Variants in NUP98 observed in about 807,000 individuals in gnomAD.
NUP98 encodes the protein nuclear pore complex protein Nup98-Nup96.
Under a neutral mutation model 191.9 loss-of-function variants are expected in NUP98, and 26 were observed. That is an observed-to-expected ratio of 0.14 (90% CI 0.10 to 0.19). The LOEUF is 0.19. Ranked by LOEUF, NUP98 falls within the 10% of genes least tolerant of loss-of-function variation. NUP98 has a pLI of 1.00. For synonymous variants in NUP98, 808 were observed against 778.4 expected (o/e 1.04, Z -0.63); for missense variants, 1,941 against 2,178.8 (o/e 0.89, Z 2.17).
chr11:3,734,572 C>T (rs922982292), intron 13 of NUP98, among the ~76,000 whole-genome samples: 3 of 152,108 alleles, frequency 2.0e-5, no homozygotes, highest in Non-Finnish European at 4.4e-5. Flanking sequence ...AGATTATAAG[C>T]GGTAAAACAA....
rs2078743397 is a variant in NUP98 at position 3,702,602 on chromosome 11, A to G, written c.3373T>C (p.Ser1125Pro). The change falls in exon 23 of 33, where the codon TCA (serine) becomes CCA (proline). Residue 1125 changes from serine (S) to proline (P), a missense_variant. Transcript: ENST00000324932. ...TTGGGGCCCCAACCAACACGAAATGAGCGTCCCATGAATAGGGCCATGTCC... is the reference window on the plus strand; with the variant it reads ...TTGGGGCCCCAACCAACACGAAATGGGCGTCCCATGAATAGGGCCATGTCC... ...LMDMALFMGR[S>P]FRVGWGPNWT... The G allele has an allele frequency of 6.2e-7, 1 of 1,613,980 alleles. No individual in the cohort carries two copies. Among genetic ancestry groups the G allele is most frequent in the Non-Finnish European group, 8.5e-7 (1 of 1,180,032 alleles).
intron 24 of NUP98, among the ~76,000 whole-genome samples, chr11:3,699,950 T>C (rs1448086344): frequency 1.3e-5 from 2 of 152,044 alleles, no homozygotes; most frequent in East Asian, 3.8e-4. Context: ...AACATGGTCA[T>C]GATAGATGAG....
chr11:3,730,556 G>T (rs1024506227), intron 14 of NUP98, among the ~76,000 whole-genome samples: 1 of 152,058 alleles, frequency 6.6e-6, no homozygotes, highest in Admixed American at 6.5e-5. Context: ...TAAAGACGGG[G>T]TTTCACCATG....
At chr11:3,736,144 C>T (rs1356568099) in intron 12 of NUP98, among the ~76,000 whole-genome samples, 1 of 151,690 alleles carries the variant, frequency 6.6e-6, no homozygotes, top group Non-Finnish European at 1.5e-5. Context: ...GTTGCCCAGG[C>T]TGGTCTTGAA....
chr11:3,754,896 C>T lies in NUP98; in HGVS notation c.1175-1488G>A, dbSNP rs533113195. On this transcript the variant is annotated intron_variant, in intron 10 of 32. Transcript: ENST00000324932. Reference sequence around the variant, plus strand: ...GGCAGAGGCTGCAGTAAGTCGAGATCGCACCACTGCACTCCAGCCTAGACG... The same window carrying T: ...GGCAGAGGCTGCAGTAAGTCGAGATTGCACCACTGCACTCCAGCCTAGACG... 2.1e-4 allele frequency among the ~76,000 whole-genome samples: 30 copies of T among 144,430 alleles called. No individual in the cohort carries two copies. In the South Asian group the frequency reaches 4.4e-3, roughly 21 times the overall value. The allele number at this position is 144,430 out of a possible 152,430, so 94.8% of individuals were successfully genotyped here.
chr11:3,744,684 G>A (rs2080426338), intron 11 of NUP98, 35 bp from the exon 12 acceptor site: 2 of 1,579,264 alleles, frequency 1.3e-6, no homozygotes, highest in African/African-American at 2.7e-5. Flanking sequence ...AAGCACCACA[G>A]AAGATCCTTT....
intron 28 of NUP98, 93 bp downstream of exon 28, chr11:3,691,254 T>A (rs140942129): frequency 0.015 from 20,898 of 1,376,084 alleles, 212 homozygotes; most frequent in Non-Finnish European, 0.019. Flanking sequence ...CTTACAGCAA[T>A]CTGGGGACAT....
intron 28 of NUP98, among the ~76,000 whole-genome samples, chr11:3,689,094 T>A (rs972227221): frequency 1.3e-5 from 2 of 151,490 alleles, no homozygotes; most frequent in East Asian, 3.9e-4. Flanking sequence ...TAGCTGAGTA[T>A]GGTGGTGCAC....
rs537244189 is a variant in NUP98 at position 3,752,371 on chromosome 11, G to A, written c.1267+945C>T. 2.0e-5 allele frequency among the ~76,000 whole-genome samples: 3 copies of A among 151,736 alleles called. No individual in the cohort carries two copies. The South Asian group carries it at 6.2e-4, about 32-fold the overall frequency. ...ATCTCTACTAAAAATACAATAATTA[G>A]CCAAGGATGGTGATACACACCTGTA... On this transcript the variant is annotated intron_variant, in intron 11 of 32. Coordinates refer to ENST00000324932, the MANE Select transcript of NUP98 (RefSeq NM_016320.5).
intron 4 of NUP98, among the ~76,000 whole-genome samples, chr11:3,777,813 G>C (rs1365654985): frequency 6.6e-6 from 1 of 151,844 alleles, no homozygotes; most frequent in Non-Finnish European, 1.5e-5. Context: ...AAGCAAACAG[G>C]CACATTTCTT....
chr11:3,691,495 G>C lies in NUP98; in HGVS notation c.4312-6C>G. The stretch of plus-strand genomic sequence containing the variant: ...CTGTCACTGTCAGAGGTATTCTGAA[G>C]GAATAATTTGATAAAACAATACATT... On this transcript the variant is annotated splice_region_variant and splice_polypyrimidine_tract_variant and intron_variant, in intron 27 of 32. Coordinates refer to ENST00000324932, the MANE Select transcript of NUP98 (RefSeq NM_016320.5). 1.2e-6 allele frequency: 2 copies of C among 1,613,612 alleles called. No homozygotes were observed. Among genetic ancestry groups the C allele is most frequent in the Non-Finnish European group, 1.7e-6 (2 of 1,179,638 alleles).
At chr11:3,773,540 T>C (rs528544977) in intron 6 of NUP98, 92 bp downstream of exon 6, 2 of 743,900 alleles carry the variant, frequency 2.7e-6, no homozygotes, top group Non-Finnish European at 4.3e-6. Flanking sequence ...ACTGAACCAC[T>C]CTATCCTAAA....
chr11:3,762,990 G>C lies in NUP98; in HGVS notation c.998C>G (p.Thr333Arg). ...QASQPGGLFG[T>R]ATNTSTGTAF... ...TGTCCCAGTGCTGGTGTTTGTAGCT[G>C]TCCCAAAAAGACCTCCAGGCTGTGA... is the stretch of plus-strand genomic sequence containing the variant. The change falls in exon 9 of 33, where the codon ACA becomes AGA. Residue 333 changes from threonine to arginine, a missense_variant. This residue lies in a region of NUP98 where 181 missense variants were observed against 228.0 expected (regional missense o/e 0.79). Transcript: ENST00000324932. The C allele has an allele frequency of 6.2e-7, 1 of 1,614,028 alleles. No homozygotes were observed. Among genetic ancestry groups the C allele is most frequent in the Non-Finnish European group, 8.5e-7 (1 of 1,179,968 alleles).
Position 3,737,628 on chromosome 11 carries a change from AAAAC to A in NUP98, c.1409-2308_1409-2305del, listed in dbSNP as rs530823598. On this transcript the variant is annotated intron_variant, in intron 12 of 32. Coordinates refer to ENST00000324932, the MANE Select transcript of NUP98 (RefSeq NM_016320.5). Reference sequence around the variant, plus strand: ...GGCGACAGAGCGAGATTCCGTCTCAAAAACAAACAAACAAACAAAAACAGAACAG... The same window carrying A: ...GGCGACAGAGCGAGATTCCGTCTCAAAAACAAACAAACAAAAACAGAACAG... Among the ~76,000 whole-genome samples, 273 of 152,280 alleles carry A rather than the reference AAAAC, an allele frequency of 1.8e-3. 1 individual carries two copies. The highest frequency in any genetic ancestry group is 4.9e-3 in the African/African-American group (203 of 41,570).
At chr11:3,759,272 T>G (rs746986174) in intron 10 of NUP98, among the ~76,000 whole-genome samples, 1 of 152,222 alleles carries the variant, frequency 6.6e-6, no homozygotes, top group Admixed American at 6.6e-5. Flanking sequence ...ATGCTGAATT[T>G]TGAAAACATA....
intron 4 of NUP98, among the ~76,000 whole-genome samples, chr11:3,776,562 C>G (rs1332435512): frequency 6.6e-6 from 1 of 151,236 alleles, no homozygotes; most frequent in African/African-American, 2.4e-5. Context: ...CAGCTCACTG[C>G]AACCTCCACC....
intron 25 of NUP98, among the ~76,000 whole-genome samples, chr11:3,697,467 G>C (rs1383144751): frequency 6.6e-6 from 1 of 152,046 alleles, no homozygotes; most frequent in African/African-American, 2.4e-5. Flanking sequence ...GTTTGAATAA[G>C]GATCTGATCA....
intron 14 of NUP98, among the ~76,000 whole-genome samples, chr11:3,728,540 C>T (rs776105955): frequency 2.0e-4 from 30 of 152,118 alleles, no homozygotes; most frequent in Non-Finnish European, 3.8e-4. Context: ...TCAAGACCAT[C>T]CTGGCTAACA....
At chr11:3,782,417 C>CT (rs80168819) in intron 1 of NUP98, among the ~76,000 whole-genome samples, 47 of 144,130 alleles carry the variant, frequency 3.3e-4, no homozygotes, top group African/African-American at 4.5e-4. Flanking sequence ...TGTTTTCAAT[C>CT]TTTTTTTTTT....
Sources: allele counts gnomAD v4.1 joint callset (sites outside exome capture counted in the v4.1 genomes callset), GRCh38; gene constraint gnomAD v4.1.1; regional missense constraint gnomAD v4.1.1; transcripts MANE v1.5; gene names NCBI Gene and HGNC (gene_info 2026-07-23, HGNC 2026-07-21).